Variants in RBFOX1 observed in about 807,000 individuals in gnomAD.
RBFOX1 encodes the protein RNA binding protein fox-1 homolog 1.
In RBFOX1, 8 loss-of-function variants were observed where a neutral mutation model predicts 57.7. The observed-to-expected ratio is 0.14, with a 90% confidence interval of 0.08 to 0.25. The LOEUF (loss-of-function observed/expected upper bound fraction) is 0.25. Ranked by LOEUF, RBFOX1 falls within the 10% of genes least tolerant of loss-of-function variation. RBFOX1 has a pLI of 1.00. For missense variants in RBFOX1, 611 were observed against 548.5 expected, an observed-to-expected ratio of 1.11 and a Z score of -1.14; for synonymous variants, 326 against 222.4, an observed-to-expected ratio of 1.47 and a Z score of -4.15.
At chr16:7,574,655 A>G (rs1048283490) in intron 5 of RBFOX1, among the ~76,000 whole-genome samples, 2 of 152,158 alleles carry the variant, frequency 1.3e-5, no homozygotes, top group African/African-American at 2.4e-5. Context: ...GCAGGTGATC[A>G]GATGGGGCCC....
chr16:5,666,959 A>G (rs955790623), intron 3 of RBFOX1, among the ~76,000 whole-genome samples: 1 of 152,202 alleles, frequency 6.6e-6, no homozygotes, highest in African/African-American at 2.4e-5. Flanking sequence ...ACACATGAAG[A>G]AAAAAATAGG....
chr16:7,103,025 TTGTC>T (rs1313784188), intron 4 of RBFOX1, among the ~76,000 whole-genome samples: 1 of 151,176 alleles, frequency 6.6e-6, no homozygotes. Flanking sequence ...ACACGTCTAT[TTGTC>T]TATCTATTTC....
chr16:5,262,226 G>C (rs892259824), intron 1 of RBFOX1, among the ~76,000 whole-genome samples: 1 of 152,148 alleles, frequency 6.6e-6, no homozygotes, highest in African/African-American at 2.4e-5. Context: ...AAGACATGAT[G>C]GTTAGTGTTA....
intron 1 of RBFOX1, among the ~76,000 whole-genome samples, chr16:6,021,872 T>G (rs1201667041): frequency 6.6e-6 from 1 of 152,210 alleles, no homozygotes; most frequent in Non-Finnish European, 1.5e-5. Context: ...CACTAAACAT[T>G]TAGAACAGTT....
Position 6,360,334 on chromosome 16 carries a change from T to C in RBFOX1, c.-64+43277T>C, listed in dbSNP as rs988534681. ...CTCGCAAGAAAAACTTGGACTGTTA[T>C]TGGCTATATATTTAATACTATTATA... On this transcript the variant is annotated intron_variant, in intron 2 of 15. Transcript: ENST00000550418. Among the ~76,000 whole-genome samples, 7 of 152,138 alleles carry C rather than the reference T, an allele frequency of 4.6e-5. No individual in the cohort carries two copies. In the South Asian group the frequency reaches 1.0e-3, roughly 23 times the overall value.
intron 4 of RBFOX1, among the ~76,000 whole-genome samples, chr16:7,115,436 C>G (rs1166685733): frequency 6.6e-6 from 1 of 152,182 alleles, no homozygotes; most frequent in Non-Finnish European, 1.5e-5. Flanking sequence ...TATGTAATTA[C>G]CACCTCATAG....
intron 2 of RBFOX1, among the ~76,000 whole-genome samples, chr16:6,571,375 G>C (rs1199285991): frequency 6.6e-6 from 1 of 152,152 alleles, no homozygotes; most frequent in Non-Finnish European, 1.5e-5. Context: ...AAACCTAGGA[G>C]ACCATTCCTG....
chr16:6,601,146 A>G (rs2097847966), intron 2 of RBFOX1, among the ~76,000 whole-genome samples: 1 of 152,236 alleles, frequency 6.6e-6, no homozygotes, highest in Admixed American at 6.5e-5. Flanking sequence ...TTTGGGCTTT[A>G]AACTGAAGAA....
intron 3 of RBFOX1, among the ~76,000 whole-genome samples, chr16:6,961,145 C>CCACACACACACACACACACACACACA (rs1555682427): frequency 7.0e-6 from 1 of 143,658 alleles, no homozygotes; most frequent in African/African-American, 2.6e-5. Flanking sequence ...TCACACACAC[C>CCACACACACACACACACACACACACA]CACACAGACA....
At chr16:5,683,521 G>A (rs1381887297) in intron 3 of RBFOX1, among the ~76,000 whole-genome samples, 1 of 151,884 alleles carries the variant, frequency 6.6e-6, no homozygotes, top group Non-Finnish European at 1.5e-5. Flanking sequence ...AGCTTCCAGT[G>A]CATATAAAGC....
chr16:7,354,557 G>C (rs2097181633), intron 4 of RBFOX1, among the ~76,000 whole-genome samples: 1 of 152,130 alleles, frequency 6.6e-6, no homozygotes, highest in Non-Finnish European at 1.5e-5. Flanking sequence ...TCTAAACTCA[G>C]CTTTTCAAAG....
chr16:6,648,871 C>T (rs1185493653), intron 2 of RBFOX1, among the ~76,000 whole-genome samples: 2 of 152,110 alleles, frequency 1.3e-5, no homozygotes, highest in African/African-American at 2.4e-5. Context: ...TTATCATGTA[C>T]AACATGATGT....
At chr16:6,884,987 G>A (rs985238623) in intron 3 of RBFOX1, among the ~76,000 whole-genome samples, 1 of 152,178 alleles carries the variant, frequency 6.6e-6, no homozygotes, top group Non-Finnish European at 1.5e-5. Context: ...TTATTCTAAA[G>A]CTTTGGTTGT....
intron 3 of RBFOX1, among the ~76,000 whole-genome samples, chr16:7,011,719 T>C (rs539697438): frequency 1.3e-5 from 2 of 152,266 alleles, no homozygotes; most frequent in South Asian, 4.1e-4. Flanking sequence ...TTTCACCATG[T>C]TAGTCAGGAT....
intron 3 of RBFOX1, among the ~76,000 whole-genome samples, chr16:6,912,584 G>C (rs1291857205): frequency 6.7e-6 from 1 of 150,000 alleles, no homozygotes; most frequent in Admixed American, 6.7e-5. Context: ...TTTCTTTCTT[G>C]CTTTCTTGCT....
intron 3 of RBFOX1, among the ~76,000 whole-genome samples, chr16:6,911,967 G>A (rs1004793641): frequency 1.4e-4 from 22 of 152,130 alleles, no homozygotes; most frequent in Non-Finnish European, 1.8e-4. Context: ...TTGAGGCTTG[G>A]GAGTAGAAAG....
intron 3 of RBFOX1, among the ~76,000 whole-genome samples, chr16:6,657,137 T>TCTC (rs1568079913): frequency 2.9e-5 from 4 of 138,646 alleles, no homozygotes; most frequent in African/African-American, 1.1e-4. Context: ...CCTCTCCTCT[T>TCTC]CTCTCCTCTT....
chr16:6,630,020 T>C (rs1029536900), intron 2 of RBFOX1, among the ~76,000 whole-genome samples: 6 of 150,704 alleles, frequency 4.0e-5, no homozygotes, highest in African/African-American at 1.2e-4. Flanking sequence ...AATGGAAAGA[T>C]TAAACCCCTT....
intron 3 of RBFOX1, among the ~76,000 whole-genome samples, chr16:6,821,730 G>A (rs996253328): frequency 6.6e-6 from 1 of 152,120 alleles, no homozygotes; most frequent in African/African-American, 2.4e-5. Flanking sequence ...CAATTTTTAT[G>A]GCTGAATAAT....
Sources: gnomAD v4.1 joint callset for allele counts (sites outside exome capture counted in the v4.1 genomes callset) on GRCh38, gnomAD v4.1.1 for gene constraint, MANE v1.5 for transcripts, NCBI Gene and HGNC (gene_info 2026-07-23, HGNC 2026-07-21) for gene names.